Variants in DCLK3 observed in about 807,000 individuals in gnomAD.
DCLK3 encodes the protein serine/threonine-protein kinase DCLK3.
Under a neutral mutation model 46.4 loss-of-function variants are expected in DCLK3, and 30 were observed. That is an observed-to-expected ratio of 0.65 (90% CI 0.48 to 0.88). The LOEUF (loss-of-function observed/expected upper bound fraction) is 0.88. Among genes scored for constraint, DCLK3 ranks in the 40% least tolerant of loss-of-function variants. DCLK3 has a pLI of 0.00. For missense variants in DCLK3, 846 were observed against 907.1 expected, an observed-to-expected ratio of 0.93 and a Z score of 0.87; for synonymous variants, 401 against 339.2, an observed-to-expected ratio of 1.18 and a Z score of -2.00.
Position 36,718,123 on chromosome 3 carries a change from A to G in DCLK3, c.2147T>C (p.Leu716Pro). Residue 716 changes from leucine to proline, a missense_variant, in exon 4 of 5, where the codon CTG (leucine) becomes CCG (proline). Coordinates refer to ENST00000636136, the MANE Select transcript of DCLK3 (RefSeq NM_001394672.2). ...GCTGCGGAATGGGGGAAAGCCACACAGCAGGATATAGAGGATCACGCCAGC... is the reference window on the plus strand; with the variant it reads ...GCTGCGGAATGGGGGAAAGCCACACGGCAGGATATAGAGGATCACGCCAGC... ...WAAGVILYIL[L>P]CGFPPFRSPE... is the part of the protein sequence containing the mutation. The G allele has an allele frequency of 1.9e-6, 3 of 1,614,234 alleles. No homozygotes were observed. The highest frequency in any genetic ancestry group is 2.5e-6 in the Non-Finnish European group (3 of 1,180,042).
At chr3:36,749,276 C>T (rs1000986753) in intron 1 of DCLK3, among the ~76,000 whole-genome samples, 3 of 152,244 alleles carry the variant, frequency 2.0e-5, no homozygotes, top group Non-Finnish European at 2.9e-5. Context: ...CCTTCAAGTA[C>T]TCTGGGGCTA....
At position 36,717,951 on chromosome 3, in the gene DCLK3, A is replaced by T. The variant is rs774668478; in HGVS notation, c.2260+59T>A. ...CCAGGCACAGTGGTGGGTCCTCTAC[A>T]CATCTGACCTGAAAAACCCATCCGC... On this transcript the variant is annotated intron_variant, in intron 4 of 4. Coordinates refer to ENST00000636136, the MANE Select transcript of DCLK3 (RefSeq NM_001394672.2). 3.1e-6 allele frequency: 5 copies of T among 1,604,686 alleles called. No individual in the cohort carries two copies. In the South Asian group the frequency reaches 5.6e-5, roughly 18 times the overall value.
chr3:36,731,505 C>T (rs962788595), intron 2 of DCLK3, among the ~76,000 whole-genome samples: 3 of 151,980 alleles, frequency 2.0e-5, no homozygotes, highest in Non-Finnish European at 2.9e-5. Context: ...TGTCTATACA[C>T]ACTGTCTACA....
chr3:36,747,768 G>A (rs1477792977), intron 1 of DCLK3, among the ~76,000 whole-genome samples: 1 of 152,150 alleles, frequency 6.6e-6, no homozygotes, highest in Non-Finnish European at 1.5e-5. Flanking sequence ...TCATATTTGG[G>A]GGTAGCATAT....
chr3:36,730,683 A>G (rs778026110), intron 2 of DCLK3, among the ~76,000 whole-genome samples: 20 of 152,132 alleles, frequency 1.3e-4, no homozygotes, highest in Non-Finnish European at 2.4e-4. Context: ...ATGTGGCTAG[A>G]GACTACCACA....
At chr3:36,716,884 T>C (rs1042879658) in intron 4 of DCLK3, among the ~76,000 whole-genome samples, 1 of 152,162 alleles carries the variant, frequency 6.6e-6, no homozygotes, top group African/African-American at 2.4e-5. Context: ...AAAATGATTT[T>C]TAGTCCCTCA....
At chr3:36,744,079 G>T (rs1354019336) in intron 1 of DCLK3, among the ~76,000 whole-genome samples, 1 of 152,148 alleles carries the variant, frequency 6.6e-6, no homozygotes, top group Non-Finnish European at 1.5e-5. Context: ...CATCTTAGTA[G>T]GTGTAAACAT....
intron 3 of DCLK3, among the ~76,000 whole-genome samples, chr3:36,718,379 T>C (rs939393442): frequency 1.3e-5 from 2 of 152,230 alleles, no homozygotes; most frequent in Non-Finnish European, 2.9e-5. Context: ...ACTCAAAGTG[T>C]GGTCCATGGA....
chr3:36,736,575 AT>A (rs1231187428), intron 2 of DCLK3, among the ~76,000 whole-genome samples: 1 of 152,152 alleles, frequency 6.6e-6, no homozygotes, highest in Non-Finnish European at 1.5e-5. Flanking sequence ...TCTTTTTCCC[AT>A]ACTCAAACTG....
At chr3:36,724,920 C>T (rs918706666) in intron 2 of DCLK3, among the ~76,000 whole-genome samples, 3 of 151,714 alleles carry the variant, frequency 2.0e-5, no homozygotes, top group South Asian at 2.1e-4. Context: ...ATCAAACAGG[C>T]CAGGAGTCTT....
intron 4 of DCLK3, 75 bp downstream of exon 4, chr3:36,717,935 G>A: frequency 6.3e-7 from 1 of 1,575,804 alleles, no homozygotes; most frequent in Non-Finnish European, 8.7e-7. Context: ...ACCAGGCACA[G>A]TGGTGGGTCC....
At chr3:36,750,377 C>T (rs1299685112) in intron 1 of DCLK3, among the ~76,000 whole-genome samples, 7 of 152,160 alleles carry the variant, frequency 4.6e-5, no homozygotes, top group Non-Finnish European at 7.3e-5. Flanking sequence ...CCACCACACC[C>T]GGCCTTCTTA....
chr3:36,754,846 A>C (rs891217283), intron 1 of DCLK3, among the ~76,000 whole-genome samples: 1 of 152,232 alleles, frequency 6.6e-6, no homozygotes, highest in South Asian at 2.1e-4. Context: ...CTGGAAAGGC[A>C]ATTAGAGTAC....
intron 1 of DCLK3, among the ~76,000 whole-genome samples, chr3:36,762,976 G>A (rs1701552547): frequency 6.7e-6 from 1 of 149,894 alleles, no homozygotes; most frequent in Non-Finnish European, 1.5e-5. Context: ...CTTGCTTCTT[G>A]CTACTTTATC....
intron 1 of DCLK3, among the ~76,000 whole-genome samples, chr3:36,748,252 C>T (rs1701410036): frequency 6.6e-6 from 1 of 152,182 alleles, no homozygotes; most frequent in South Asian, 2.1e-4. Flanking sequence ...GATAACAGGC[C>T]TGGGGAGCAA....
chr3:36,715,594 TAAG>T (rs1421646786), intron 4 of DCLK3, 73 bp from the exon 5 acceptor site: 4 of 1,476,708 alleles, frequency 2.7e-6, no homozygotes, highest in Non-Finnish European at 3.6e-6. Context: ...ACACATGAAA[TAAG>T]AACATAAACA....
At chr3:36,762,270 G>A (rs1701546714) in intron 1 of DCLK3, among the ~76,000 whole-genome samples, 1 of 152,194 alleles carries the variant, frequency 6.6e-6, no homozygotes, top group Admixed American at 6.5e-5. Context: ...TGTTAGTCAT[G>A]TTTGGATAAC....
chr3:36,720,992 C>A (rs1701047539), intron 3 of DCLK3, among the ~76,000 whole-genome samples: 1 of 152,172 alleles, frequency 6.6e-6, no homozygotes, highest in African/African-American at 2.4e-5. Context: ...CATATCATAA[C>A]TATTATTTCC....
chr3:36,739,911 C>G (rs1245297924), intron 1 of DCLK3: 1 of 152,126 alleles, frequency 6.6e-6, no homozygotes, highest in Non-Finnish European at 1.5e-5. Context: ...CATGAAACAC[C>G]AACAAGAGGC....
Sources: gnomAD v4.1 joint callset for allele counts (sites outside exome capture counted in the v4.1 genomes callset) on GRCh38, gnomAD v4.1.1 for gene constraint, MANE v1.5 for transcripts, NCBI Gene and HGNC (gene_info 2026-07-23, HGNC 2026-07-21) for gene names.